SPAG17: variants seen among roughly 807,000 people sequenced by gnomAD.
SPAG17 encodes the protein sperm associated antigen 17.
In SPAG17, 169 loss-of-function variants were observed where a neutral mutation model predicts 273.6. The ratio of observed to expected loss-of-function variants is 0.62; its 90% CI spans 0.55 to 0.70. SPAG17 has a LOEUF of 0.70. Ranked by LOEUF, SPAG17 falls within the 30% of genes least tolerant of loss-of-function variation. SPAG17 has a pLI of 0.00. For synonymous variants in SPAG17, 825 were observed against 873.2 expected (o/e 0.94, Z 0.97); for missense variants, 2,557 against 2,627.8 (o/e 0.97, Z 0.59).
chr1:118,142,618 T>C (rs1302954560), intron 3 of SPAG17, among the ~76,000 whole-genome samples: 1 of 152,216 alleles, frequency 6.6e-6, no homozygotes, highest in Non-Finnish European at 1.5e-5. Context: ...GACACTTAAG[T>C]CTGTGCCAGG....
chr1:118,135,416 TGTGTGTGTGTGTGTGG>T (rs1558036890), intron 3 of SPAG17, among the ~76,000 whole-genome samples: 1 of 150,970 alleles, frequency 6.6e-6, no homozygotes, highest in Admixed American at 6.6e-5. Flanking sequence ...TGTGTATGTG[TGTGTGTGTGTGTGTGG>T]GGTATGGTGT....
intron 10 of SPAG17, among the ~76,000 whole-genome samples, chr1:118,087,687 G>T (rs1430970893): frequency 1.3e-5 from 2 of 152,138 alleles, no homozygotes; most frequent in East Asian, 3.9e-4. Flanking sequence ...ATTTTTCATG[G>T]TAAACAAGTA....
chr1:118,131,977 T>C (rs1558034765), intron 3 of SPAG17, among the ~76,000 whole-genome samples: 1 of 152,222 alleles, frequency 6.6e-6, no homozygotes, highest in South Asian at 2.1e-4. Context: ...TTCCCAATGC[T>C]GGATATTCAA....
At chr1:118,133,777 C>G (rs1658188897) in intron 3 of SPAG17, among the ~76,000 whole-genome samples, 1 of 152,118 alleles carries the variant, frequency 6.6e-6, no homozygotes, top group African/African-American at 2.4e-5. Context: ...ATGGCTTATC[C>G]TTTTTGTATT....
intron 43 of SPAG17, among the ~76,000 whole-genome samples, chr1:117,976,042 A>G (rs1244815419): frequency 6.6e-6 from 1 of 152,204 alleles, no homozygotes; most frequent in African/African-American, 2.4e-5. Flanking sequence ...ATAGGAAGAG[A>G]TAAAGGGTTT....
In SPAG17 at chr1:118,081,217, T is replaced by G. The variant is rs181235944; in HGVS notation, c.2093A>C (p.Asp698Ala). The change falls in exon 15 of 49, where the codon GAT becomes GCT. Residue 698 changes from aspartate (D) to alanine (A), a missense_variant. Coordinates refer to ENST00000336338, the MANE Select transcript of SPAG17 (RefSeq NM_206996.4). ...GTCAGAATGCTTCATATTGTTAGCA[T>G]CACACTGACTAGGATCTGAAGGTTC... is the stretch of plus-strand genomic sequence containing the variant. ...NREPSDPSQCDANNMKHSDLN... is the reference protein window; with the variant it reads ...NREPSDPSQCAANNMKHSDLN... 9 of 1,614,056 alleles carry G rather than the reference T, an allele frequency of 5.6e-6. No homozygotes were observed. The East Asian group carries it at 2.0e-4, about 36-fold the overall frequency.
In SPAG17 at chr1:118,074,216, T is replaced by C. The variant is rs79391300; in HGVS notation, c.2272-249A>G. Among the ~76,000 whole-genome samples the C allele has an allele frequency of 3.2e-4, 49 of 152,254 alleles. No homozygotes were observed. The East Asian group carries it at 6.4e-3, about 20-fold the overall frequency. ...ATACTCTTCTGAGTCCTGTTAGCAA[T>C]TACAGGCAGGTTTTCTGAACTCTCT... On this transcript the variant is annotated intron_variant, in intron 16 of 48. Coordinates refer to ENST00000336338, the MANE Select transcript of SPAG17 (RefSeq NM_206996.4).
rs756885991 is a variant in SPAG17 at position 117,954,646 on chromosome 1, G to A, written c.*1-597C>T. ...TATCTCAGTGAGTAAAATGTCTAACGGTTTTCCTTTGTTTATTAAAAGGTT... is the reference window on the plus strand; with the variant it reads ...TATCTCAGTGAGTAAAATGTCTAACAGTTTTCCTTTGTTTATTAAAAGGTT... On this transcript the variant is annotated intron_variant, in intron 48 of 48. Transcript: ENST00000336338. 8.7e-6 allele frequency: 14 copies of A among 1,608,242 alleles called. No individual in the cohort carries two copies. The East Asian group carries it at 8.9e-5, about 10-fold the overall frequency.
Position 118,065,281 on chromosome 1 carries a change from G to A in SPAG17, c.2540+1464C>T, listed in dbSNP as rs573701122. 7.9e-5 allele frequency among the ~76,000 whole-genome samples: 12 copies of A among 152,100 alleles called. No homozygotes were observed. In the East Asian group the frequency reaches 2.1e-3, roughly 27 times the overall value. ...ATTAAAATTAAGTAGAAAACATGAA[G>A]AGTCTAATAACCATGATAGAAGTCG... is the stretch of plus-strand genomic sequence containing the variant. On this transcript the variant is annotated intron_variant, in intron 18 of 48. Coordinates refer to ENST00000336338, the MANE Select transcript of SPAG17 (RefSeq NM_206996.4).
chr1:117,959,227 C>T (rs1652672143), intron 48 of SPAG17: 3 of 1,553,316 alleles, frequency 1.9e-6, no homozygotes, highest in African/African-American at 2.8e-5. Context: ...CCCTAACTCT[C>T]ATACGCTGCT....
chr1:117,954,452 TC>T (rs1317390107), intron 48 of SPAG17: 1 of 839,100 alleles, frequency 1.2e-6, no homozygotes, highest in African/African-American at 1.7e-5. Context: ...TCTTTTACAC[TC>T]TGTCAGTTTT....
At chr1:117,961,184 G>C (rs1358538846) in intron 48 of SPAG17, 1 of 152,224 alleles carries the variant, frequency 6.6e-6, no homozygotes, top group East Asian at 1.9e-4. Context: ...TCAGGAGGCT[G>C]AGACAGGAGA....
At chr1:118,164,609 G>A (rs1484344800) in intron 1 of SPAG17, among the ~76,000 whole-genome samples, 3 of 152,048 alleles carry the variant, frequency 2.0e-5, no homozygotes, top group African/African-American at 7.2e-5. Context: ...CATCTATAGG[G>A]TCTGTTTAAG....
chr1:118,039,140 G>T, intron 23 of SPAG17, 152 bp downstream of exon 23: 1 of 792,936 alleles, frequency 1.3e-6, no homozygotes, highest in Non-Finnish European at 2.0e-6. Flanking sequence ...TTCAGTTCAG[G>T]AAAATAGGCA....
Position 118,081,563 on chromosome 1 carries a change from T to C in SPAG17, c.1842A>G (p.Glu614=). 1 of 1,614,044 alleles carries C rather than the reference T, an allele frequency of 6.2e-7. No individual in the cohort carries two copies. Among genetic ancestry groups the C allele is most frequent in the East Asian group, 2.2e-5 (1 of 44,872 alleles). ...TCCCAGAAGGTTTCAGTTTCCCTTT[T>C]TCATCAACCTCAGAGAGCTTCAGGC... ...FESLKLSEVD[E]KGKLKPSGMM... Residue 614 remains glutamate, a synonymous_variant, in exon 14 of 49, where the codon GAA becomes GAG. Transcript: ENST00000336338.
chr1:117,971,188 T>G (rs1156458981), intron 45 of SPAG17, among the ~76,000 whole-genome samples: 3 of 152,242 alleles, frequency 2.0e-5, no homozygotes, highest in South Asian at 2.1e-4. Flanking sequence ...CCCATGCTTA[T>G]GTTTAATTCA....
intron 17 of SPAG17, among the ~76,000 whole-genome samples, chr1:118,072,402 G>T (rs573725167): frequency 6.6e-6 from 1 of 152,280 alleles, no homozygotes; most frequent in Non-Finnish European, 1.5e-5. Context: ...GAAAGGAAGG[G>T]AATGGGTGTG....
chr1:118,081,723 G>T, intron 13 of SPAG17, 81 bp from the exon 14 acceptor site: 1 of 1,170,566 alleles, frequency 8.5e-7, no homozygotes, highest in Non-Finnish European at 1.2e-6. Flanking sequence ...TAACCAGGGA[G>T]TCTGTCTACC....
At chr1:118,025,949 C>T (rs758107650) in intron 26 of SPAG17, among the ~76,000 whole-genome samples, 9 of 152,066 alleles carry the variant, frequency 5.9e-5, no homozygotes, top group Non-Finnish European at 1.0e-4. Flanking sequence ...ATGTGTAAGC[C>T]ACTCTCTCTA....
Sources: allele counts gnomAD v4.1 joint callset (sites outside exome capture counted in the v4.1 genomes callset), GRCh38; gene constraint gnomAD v4.1.1; transcripts MANE v1.5; gene names NCBI Gene and HGNC (gene_info 2026-07-23, HGNC 2026-07-21).